Variants in AUTS2 observed in about 807,000 individuals in gnomAD.
AUTS2 encodes activator of transcription and developmental regulator AUTS2.
In AUTS2, 17 loss-of-function variants were observed where a neutral mutation model predicts 112.4. That is an observed-to-expected ratio of 0.15 (90% CI 0.10 to 0.23). The LOEUF is 0.23. AUTS2 is among the 10% of genes least tolerant of loss of function. AUTS2 has a pLI of 1.00. For synonymous variants in AUTS2, 751 were observed against 702.7 expected, an observed-to-expected ratio of 1.07 and a Z score of -1.09; for missense variants, 1,510 against 1,701.6, an observed-to-expected ratio of 0.89 and a Z score of 1.98.
chr7:70,171,022 A>G (rs1808655053), intron 4 of AUTS2, among the ~76,000 whole-genome samples: 3 of 152,186 alleles, frequency 2.0e-5, no homozygotes, highest in Admixed American at 2.0e-4. Flanking sequence ...TGGTAAATTC[A>G]CTGAATGATA....
At chr7:70,214,396 T>G (rs1217256304) in intron 4 of AUTS2, among the ~76,000 whole-genome samples, 1 of 152,158 alleles carries the variant, frequency 6.6e-6, no homozygotes, top group Non-Finnish European at 1.5e-5. Flanking sequence ...CACTCCATTT[T>G]ATATAATTTT....
chr7:70,625,864 C>A (rs1804911542), intron 5 of AUTS2, among the ~76,000 whole-genome samples: 1 of 152,152 alleles, frequency 6.6e-6, no homozygotes, highest in Non-Finnish European at 1.5e-5. Context: ...CATTTTTCAG[C>A]TTTCGAATCA....
chr7:70,130,762 C>G (rs761079704), intron 3 of AUTS2, among the ~76,000 whole-genome samples: 1 of 152,060 alleles, frequency 6.6e-6, no homozygotes, highest in African/African-American at 2.4e-5. Flanking sequence ...AATTGCATAT[C>G]AGATAGCCAG....
chr7:70,771,672 A>G lies in AUTS2; in HGVS notation c.1830+28A>G, dbSNP rs369898245. 56 of 1,600,864 alleles carry G rather than the reference A, an allele frequency of 3.5e-5. 2 individuals are homozygous for G. The highest frequency in any genetic ancestry group is 1.8e-4 in the East Asian group (8 of 44,814). On this transcript the variant is annotated intron_variant, in intron 11 of 18. Transcript: ENST00000342771. ...AAGAAACCTCACAGTGAAAACACACAGGCATGTGTCTAAGTGGCGTCCCGG... is the reference window on the plus strand; with the variant it reads ...AAGAAACCTCACAGTGAAAACACACGGGCATGTGTCTAAGTGGCGTCCCGG...
chr7:69,614,833 T>C (rs1164011133), intron 1 of AUTS2, among the ~76,000 whole-genome samples: 1 of 152,164 alleles, frequency 6.6e-6, no homozygotes. Flanking sequence ...ATCACCATGC[T>C]CTGAGACACA....
Position 70,763,065 on chromosome 7 carries a change from C to T in AUTS2, c.938C>T (p.Pro313Leu). 6.2e-7 allele frequency: 1 copy of T among 1,614,134 alleles called. No homozygotes were observed. The highest frequency in any genetic ancestry group is 8.5e-7 in the Non-Finnish European group (1 of 1,180,022). ...CCAATACCCCAGCCGCAGACGGAGC[C>T]CCAACTCCGAGCTCCTTCTCCGGAC... ...AQPIPQPQTE[P>L]QLRAPSPDPD... The change falls in exon 7 of 19, where the codon CCC becomes CTC. Residue 313 changes from proline to leucine, a missense_variant. By Grantham distance (98) the Pro-to-Leu change is moderately conservative. Transcript: ENST00000342771.
chr7:70,793,052 TA>T lies in AUTS2; in HGVS notation c.*2059del, dbSNP rs1312090584. The stretch of plus-strand genomic sequence containing the variant: ...TTAGTGTCTCACCAATTTGTTACTA[TA>T]AACATTTGCACCCCACACAGTCGCT... On this transcript the variant is annotated 3_prime_UTR_variant, in exon 19 of 19. Coordinates refer to ENST00000342771, the MANE Select transcript of AUTS2 (RefSeq NM_015570.4). 6.6e-6 allele frequency: 1 copy of T among 152,192 alleles called. No individual in the cohort carries two copies. The highest frequency in any genetic ancestry group is 2.4e-5 in the African/African-American group (1 of 41,376). 9.4% of individuals were successfully genotyped at this position (152,192 alleles called of 1,614,324 possible).
Position 70,790,271 on chromosome 7 carries a change from CTGGCCTCGATGCCCA to C in AUTS2, c.3058_3072del (p.Ala1020_Met1024del). On this transcript the variant is annotated inframe_deletion, in exon 19 of 19. Coordinates refer to ENST00000342771, the MANE Select transcript of AUTS2 (RefSeq NM_015570.4). The surrounding 1 kb of genome is among the most constrained non-coding windows in gnomAD (Gnocchi z 7.6). ...CTCGTCCAGCGTGCACCCGGGGCCC[CTGGCCTCGATGCCCA>C]TGACGGTGGGGGTGACGGGCATTCA... The C allele has an allele frequency of 6.2e-7, 1 of 1,613,254 alleles. No homozygotes were observed. Among genetic ancestry groups the C allele is most frequent in the Non-Finnish European group, 8.5e-7 (1 of 1,179,940 alleles).
rs576552575 is a variant in AUTS2, at chr7:70,178,008, C to T, written c.660+43437C>T. On this transcript the variant is annotated intron_variant, in intron 4 of 18. Transcript: ENST00000342771. ...TTGGCTCACTGCAACCTCTGCCTCC[C>T]GGGTTCAAGCGATTCTCCTGCCTCA... 9.9e-5 allele frequency among the ~76,000 whole-genome samples: 15 copies of T among 151,812 alleles called. No homozygotes were observed. In the South Asian group the frequency reaches 1.7e-3, roughly 17 times the overall value.
intron 2 of AUTS2, among the ~76,000 whole-genome samples, chr7:70,102,722 TAAAAC>T (rs913276403): frequency 6.6e-6 from 1 of 152,164 alleles, no homozygotes; most frequent in African/African-American, 2.4e-5. Context: ...GAGTAAGAAA[TAAAAC>T]TAACTTCAGT....
Position 70,118,192 on chromosome 7 carries a change from A to G in AUTS2, c.583A>G (p.Lys195Glu), listed in dbSNP as rs1390276215. Residue 195 changes from lysine to glutamate, a missense_variant, in exon 3 of 19, where the codon AAG (lysine) becomes GAG (glutamate). Lys to Glu is a moderately conservative substitution (Grantham distance 56). Transcript: ENST00000342771. ...SDSESASGESKGFHRSSSRER... is the reference protein window; with the variant it reads ...SDSESASGESEGFHRSSSRER... The stretch of plus-strand genomic sequence containing the variant: ...CAGTGAAAGTGCCAGTGGAGAATCC[A>G]AGGGCTTCCACCGGAGCAGCTCTCG... 1 of 1,611,630 alleles carries G rather than the reference A, an allele frequency of 6.2e-7. No homozygotes were observed. The highest frequency in any genetic ancestry group is 1.1e-5 in the South Asian group (1 of 90,850).
intron 2 of AUTS2, among the ~76,000 whole-genome samples, chr7:70,048,019 A>G (rs1442755870): frequency 6.6e-6 from 1 of 152,184 alleles, no homozygotes; most frequent in African/African-American, 2.4e-5. Flanking sequence ...CTAGAGGCTT[A>G]CTTGAGGTAG....
rs982090150 is a variant in AUTS2 at position 70,126,890 on chromosome 7, G to A, written c.625-7646G>A. Among the ~76,000 whole-genome samples the A allele has an allele frequency of 9.2e-5, 14 of 152,038 alleles. No homozygotes were observed. In the East Asian group the frequency reaches 9.7e-4, roughly 10 times the overall value. On this transcript the variant is annotated intron_variant, in intron 3 of 18. Coordinates refer to ENST00000342771, the MANE Select transcript of AUTS2 (RefSeq NM_015570.4). Reference sequence around the variant, plus strand: ...GGAATGGAGTGGAGTGCAATGGTGCGATCTCGGCTCACTGCAACCTCCACC... The same window carrying A: ...GGAATGGAGTGGAGTGCAATGGTGCAATCTCGGCTCACTGCAACCTCCACC...
At chr7:69,787,838 G>C (rs1185730434) in intron 1 of AUTS2, among the ~76,000 whole-genome samples, 1 of 146,250 alleles carries the variant, frequency 6.8e-6, no homozygotes, top group African/African-American at 2.5e-5. Flanking sequence ...GCCTCCCAAA[G>C]TGCTGGGCTT....
At chr7:70,427,737 G>A (rs1795493162) in intron 4 of AUTS2, among the ~76,000 whole-genome samples, 1 of 152,206 alleles carries the variant, frequency 6.6e-6, no homozygotes, top group Non-Finnish European at 1.5e-5. Flanking sequence ...GAATGAGTGT[G>A]TTATTATCTG....
rs146962930 is a variant in AUTS2 at position 70,255,484 on chromosome 7, G to A, written c.660+120913G>A. On this transcript the variant is annotated intron_variant, in intron 4 of 18. Transcript: ENST00000342771. ...TTCTGTTTTCCACTTTTTCTGTGGT[G>A]TTCCTTTTGACATTTGCATTCCAAA... is the stretch of plus-strand genomic sequence containing the variant. Among the ~76,000 whole-genome samples, 1,029 of 152,248 alleles carry A rather than the reference G, an allele frequency of 6.8e-3. 6 individuals carry two copies. Among genetic ancestry groups the A allele is most frequent in the Non-Finnish European group, 0.012 (802 of 68,010 alleles).
chr7:70,088,601 G>GT (rs1803742375), intron 2 of AUTS2, among the ~76,000 whole-genome samples: 1 of 144,912 alleles, frequency 6.9e-6, no homozygotes, highest in Non-Finnish European at 1.5e-5. Flanking sequence ...TTGTTTGTTT[G>GT]TTTGTTTGTT....
At chr7:70,508,691 A>G (rs1018964403) in intron 5 of AUTS2, among the ~76,000 whole-genome samples, 25 of 152,344 alleles carry the variant, frequency 1.6e-4, no homozygotes, top group African/African-American at 5.1e-4. Flanking sequence ...ATAATTGGCA[A>G]TCTTGCCTGT....
intron 5 of AUTS2, among the ~76,000 whole-genome samples, chr7:70,491,733 G>A (rs903541379): frequency 2.4e-4 from 36 of 151,534 alleles, no homozygotes; most frequent in African/African-American, 8.0e-4. Context: ...TCCTGCCTCA[G>A]CCTCCTGAGT....
Sources: allele counts gnomAD v4.1 joint callset (sites outside exome capture counted in the v4.1 genomes callset), GRCh38; gene constraint gnomAD v4.1.1; non-coding constraint Gnocchi (gnomAD v3.1); transcripts MANE v1.5; gene names NCBI Gene and HGNC (gene_info 2026-07-23, HGNC 2026-07-21).